The following CUL5 variants were observed in gnomAD, a reference collection of about 807,000 sequenced individuals.
The protein encoded by CUL5 is cullin-5.
A neutral mutation model predicts 108.8 loss-of-function variants in CUL5; 26 were observed. The ratio of observed to expected loss-of-function variants is 0.24; its 90% confidence interval spans 0.18 to 0.33. CUL5 has a LOEUF of 0.33. CUL5 is among the 10% of genes least tolerant of loss of function. The pLI is 1.00. For missense variants in CUL5, 524 were observed against 909.2 expected, an observed-to-expected ratio of 0.58 and a Z score of 5.45; for synonymous variants, 334 against 298.0, an observed-to-expected ratio of 1.12 and a Z score of -1.25.
chr11:108,056,608 G>A lies in CUL5; in HGVS notation c.780+1653G>A, dbSNP rs78996731. On this transcript the variant is annotated intron_variant, in intron 7 of 18. Coordinates refer to ENST00000393094, the MANE Select transcript of CUL5 (RefSeq NM_003478.6). ...TTCAGGTTTGGGCTACATTCAGAAGGCCGGGAAGGCTGTTGACTTTTTTTT... is the reference window on the plus strand; with the variant it reads ...TTCAGGTTTGGGCTACATTCAGAAGACCGGGAAGGCTGTTGACTTTTTTTT... Among the ~76,000 whole-genome samples, 10 of 152,282 alleles carry A rather than the reference G, an allele frequency of 6.6e-5. No homozygotes were observed. The East Asian group carries it at 1.7e-3, about 26-fold the overall frequency.
intron 4 of CUL5, among the ~76,000 whole-genome samples, chr11:108,051,607 T>C (rs1863223387): frequency 6.6e-6 from 1 of 152,234 alleles, no homozygotes; most frequent in Non-Finnish European, 1.5e-5. Flanking sequence ...CCAAGTTTCT[T>C]GGAGTACTGA....
At chr11:108,070,624 A>T (rs78433301) in intron 8 of CUL5, among the ~76,000 whole-genome samples, 1 of 151,948 alleles carries the variant, frequency 6.6e-6, no homozygotes, top group Non-Finnish European at 1.5e-5. Context: ...TTTCTAAAGG[A>T]TTTTTTTATT....
chr11:108,046,558 T>G (rs1281235730), intron 3 of CUL5, 189 bp downstream of exon 3: 2 of 516,574 alleles, frequency 3.9e-6, no homozygotes, highest in Non-Finnish European at 3.4e-6. Context: ...ACAGTGATAC[T>G]TCTGTCAAGA....
chr11:108,068,663 T>A (rs1293433778), intron 7 of CUL5, among the ~76,000 whole-genome samples: 1 of 152,188 alleles, frequency 6.6e-6, no homozygotes, highest in African/African-American at 2.4e-5. Flanking sequence ...AAGAAATATA[T>A]CAGCCTTATT....
At chr11:108,060,772 G>A (rs1565252055) in intron 7 of CUL5, among the ~76,000 whole-genome samples, 1 of 151,988 alleles carries the variant, frequency 6.6e-6, no homozygotes, top group African/African-American at 2.4e-5. Context: ...GGGAGGCGGA[G>A]GTTGCAGTGA....
chr11:108,035,565 C>T (rs541175517), intron 2 of CUL5, among the ~76,000 whole-genome samples: 2 of 149,042 alleles, frequency 1.3e-5, no homozygotes, highest in African/African-American at 4.9e-5. Flanking sequence ...AGTGTGAGAC[C>T]CTGTCTCTTA....
chr11:108,025,284 A>AT (rs899563069), intron 1 of CUL5, among the ~76,000 whole-genome samples: 8 of 150,814 alleles, frequency 5.3e-5, no homozygotes, highest in South Asian at 4.2e-4. Context: ...TCTTTTGGTG[A>AT]TTTTTTTTGT....
chr11:108,071,968 G>A (rs935781881), intron 8 of CUL5, among the ~76,000 whole-genome samples: 2 of 151,990 alleles, frequency 1.3e-5, no homozygotes, highest in African/African-American at 2.4e-5. Flanking sequence ...TGTGAGCCCC[G>A]AAGTTTGAGA....
At chr11:108,013,369 A>G (rs780984062) in intron 1 of CUL5, among the ~76,000 whole-genome samples, 1 of 152,200 alleles carries the variant, frequency 6.6e-6, no homozygotes, top group Non-Finnish European at 1.5e-5. Flanking sequence ...CTCTAGATCA[A>G]AATGCAGTTC....
At chr11:108,081,835 T>C (rs1367700928) in intron 11 of CUL5, among the ~76,000 whole-genome samples, 2 of 152,236 alleles carry the variant, frequency 1.3e-5, no homozygotes, top group Non-Finnish European at 2.9e-5. Flanking sequence ...TTTGTCCTTA[T>C]GCTGGTGCCA....
intron 18 of CUL5, among the ~76,000 whole-genome samples, chr11:108,099,005 CTTTTT>C (rs4027717): frequency 7.5e-6 from 1 of 133,148 alleles, no homozygotes; most frequent in Non-Finnish European, 1.6e-5. Context: ...GGCCAGTGTA[CTTTTT>C]TTTTTTTTTT....
At chr11:108,023,393 G>GT (rs1448446603) in intron 1 of CUL5, among the ~76,000 whole-genome samples, 1 of 152,032 alleles carries the variant, frequency 6.6e-6, no homozygotes, top group Non-Finnish European at 1.5e-5. Context: ...TTAATGCTTG[G>GT]TTTTAAGGTC....
At chr11:108,020,278 A>G (rs1394156684) in intron 1 of CUL5, among the ~76,000 whole-genome samples, 3 of 152,160 alleles carry the variant, frequency 2.0e-5, no homozygotes, top group Non-Finnish European at 4.4e-5. Context: ...GAGGCATTCC[A>G]GAAGAAGGCG....
intron 2 of CUL5, among the ~76,000 whole-genome samples, chr11:108,042,413 G>A (rs905837633): frequency 2.6e-5 from 4 of 151,680 alleles, no homozygotes; most frequent in Non-Finnish European, 4.4e-5. Context: ...GTAGAGACGG[G>A]GTTTCACCAT....
intron 1 of CUL5, among the ~76,000 whole-genome samples, chr11:108,012,523 CTT>C (rs34312194): frequency 0.38 from 51,051 of 133,934 alleles, 10,201 homozygotes; most frequent in Middle Eastern, 0.55. Flanking sequence ...TCCCCTCTTA[CTT>C]TTTTTTTTTT....
At chr11:108,072,284 T>C (rs1341664287) in intron 8 of CUL5, 48 bp from the exon 9 acceptor site, 2 of 1,455,572 alleles carry the variant, frequency 1.4e-6, no homozygotes, top group Non-Finnish European at 1.9e-6. Context: ...CTCTAAACTC[T>C]TACTCTAGTA....
intron 2 of CUL5, among the ~76,000 whole-genome samples, chr11:108,040,488 T>C (rs1403283153): frequency 6.6e-6 from 1 of 152,054 alleles, no homozygotes; most frequent in Admixed American, 6.6e-5. Flanking sequence ...GTTGTGCACC[T>C]GTAATCCCAG....
chr11:108,030,415 A>G (rs964106049), intron 1 of CUL5, among the ~76,000 whole-genome samples: 2 of 152,358 alleles, frequency 1.3e-5, no homozygotes, highest in African/African-American at 4.8e-5. Flanking sequence ...ACGTGGGCAG[A>G]TCACCTGAGG....
intron 11 of CUL5, among the ~76,000 whole-genome samples, chr11:108,084,247 T>C (rs1864170788): frequency 1.3e-5 from 2 of 152,220 alleles, no homozygotes; most frequent in African/African-American, 4.8e-5. Context: ...TTTCATGTTA[T>C]TTAAGAGCTA....
Sources: gnomAD v4.1 joint callset for allele counts (sites outside exome capture counted in the v4.1 genomes callset) on GRCh38, gnomAD v4.1.1 for gene constraint, MANE v1.5 for transcripts, NCBI Gene and HGNC (gene_info 2026-07-23, HGNC 2026-07-21) for gene names.